The following SLC2A13 variants were observed in gnomAD, a reference collection of about 807,000 sequenced individuals.
The protein encoded by SLC2A13 is solute carrier family 2 member 13, also known as proton myo-inositol cotransporter.
SLC2A13 carries 32 observed loss-of-function variants against 64.4 expected under a neutral mutation model. The ratio of observed to expected loss-of-function variants is 0.50; its 90% CI spans 0.37 to 0.67. The LOEUF (loss-of-function observed/expected upper bound fraction) is 0.67. SLC2A13 is among the 30% of genes least tolerant of loss of function. The pLI is 0.00. For missense variants in SLC2A13, 743 were observed against 829.2 expected, an observed-to-expected ratio of 0.90 and a Z score of 1.28; for synonymous variants, 338 against 327.1, an observed-to-expected ratio of 1.03 and a Z score of -0.36.
intron 4 of SLC2A13, among the ~76,000 whole-genome samples, chr12:39,886,167 A>AT (rs1944460478): frequency 6.6e-6 from 1 of 152,152 alleles, no homozygotes; most frequent in African/African-American, 2.4e-5. Flanking sequence ...AAGATGATCA[A>AT]TTTTTTAACA....
chr12:39,792,339 CA>C (rs1222593312), intron 7 of SLC2A13, among the ~76,000 whole-genome samples: 1 of 151,028 alleles, frequency 6.6e-6, no homozygotes, highest in African/African-American at 2.4e-5. Flanking sequence ...TCCAAAACAC[CA>C]AAAGCAATGG....
chr12:40,049,294 A>G (rs1481908419), intron 1 of SLC2A13, among the ~76,000 whole-genome samples: 1 of 152,138 alleles, frequency 6.6e-6, no homozygotes, highest in Non-Finnish European at 1.5e-5. Flanking sequence ...AAGCCAGAAC[A>G]TCAATAAAAT....
intron 2 of SLC2A13, among the ~76,000 whole-genome samples, chr12:40,044,437 T>C (rs1948141977): frequency 1.3e-5 from 2 of 152,138 alleles, no homozygotes; most frequent in Non-Finnish European, 2.9e-5. Flanking sequence ...AGCCAAGTGA[T>C]TGTACAATTT....
intron 4 of SLC2A13, among the ~76,000 whole-genome samples, chr12:39,883,503 C>T (rs530135537): frequency 6.6e-6 from 1 of 152,212 alleles, no homozygotes; most frequent in East Asian, 1.9e-4. Context: ...CTCATTAAAC[C>T]AAACAGGACG....
At chr12:40,096,560 C>A (rs1161524374) in intron 1 of SLC2A13, among the ~76,000 whole-genome samples, 5 of 151,758 alleles carry the variant, frequency 3.3e-5, no homozygotes, top group Non-Finnish European at 7.4e-5. Context: ...GAAGATGAGA[C>A]CTAAATTTCA....
intron 7 of SLC2A13, among the ~76,000 whole-genome samples, chr12:39,771,866 C>A (rs1940591201): frequency 6.6e-6 from 1 of 152,076 alleles, no homozygotes; most frequent in South Asian, 2.1e-4. Flanking sequence ...TCCTTTTATG[C>A]AACTAAACTA....
At chr12:39,971,890 G>T (rs530437970) in intron 3 of SLC2A13, among the ~76,000 whole-genome samples, 1 of 149,686 alleles carries the variant, frequency 6.7e-6, no homozygotes, top group Non-Finnish European at 1.5e-5. Flanking sequence ...CAAAAGAATC[G>T]CTTGAGCCCA....
chr12:39,808,476 T>C (rs1213873546), intron 7 of SLC2A13, among the ~76,000 whole-genome samples: 3 of 152,160 alleles, frequency 2.0e-5, no homozygotes, highest in African/African-American at 7.2e-5. Context: ...ATTGAATTAC[T>C]GGGTTGTATG....
intron 1 of SLC2A13, among the ~76,000 whole-genome samples, chr12:40,071,495 C>A (rs1414816975): frequency 1.3e-5 from 2 of 152,044 alleles, no homozygotes; most frequent in Non-Finnish European, 2.9e-5. Flanking sequence ...TATTTTCTGG[C>A]TTTGGTATTA....
chr12:39,873,874 C>A (rs1944117598), intron 4 of SLC2A13, among the ~76,000 whole-genome samples: 1 of 152,154 alleles, frequency 6.6e-6, no homozygotes, highest in Non-Finnish European at 1.5e-5. Flanking sequence ...AACCTGCATT[C>A]TAATAGCACC....
intron 3 of SLC2A13, among the ~76,000 whole-genome samples, chr12:39,995,501 T>A (rs1317295969): frequency 2.0e-5 from 3 of 152,206 alleles, no homozygotes; most frequent in African/African-American, 7.2e-5. Context: ...AACATGTGCA[T>A]GTCACTTAAA....
chr12:39,896,686 C>T (rs1944927801), intron 4 of SLC2A13, among the ~76,000 whole-genome samples: 1 of 151,728 alleles, frequency 6.6e-6, no homozygotes. Context: ...TAATATCCCT[C>T]GTTATCTGCA....
chr12:39,986,442 C>T (rs1025312989), intron 3 of SLC2A13, among the ~76,000 whole-genome samples: 2 of 151,940 alleles, frequency 1.3e-5, no homozygotes, highest in Admixed American at 1.3e-4. Flanking sequence ...GTTTCTCAAA[C>T]TATGGAGGAA....
intron 7 of SLC2A13, among the ~76,000 whole-genome samples, chr12:39,772,265 C>T (rs1191997006): frequency 2.6e-5 from 4 of 152,070 alleles, no homozygotes; most frequent in Admixed American, 6.6e-5. Context: ...TAACTTTGGC[C>T]AAGTTACTTA....
At chr12:39,913,715 T>C (rs939813787) in intron 4 of SLC2A13, among the ~76,000 whole-genome samples, 41 of 151,872 alleles carry the variant, frequency 2.7e-4, no homozygotes, top group Non-Finnish European at 2.9e-5. Context: ...TAAGTATACA[T>C]ACATGTGATA....
intron 3 of SLC2A13, among the ~76,000 whole-genome samples, chr12:39,992,486 C>T: frequency 6.6e-6 from 1 of 152,028 alleles, no homozygotes; most frequent in East Asian, 1.9e-4. Flanking sequence ...CATTTTCTTT[C>T]ACTCATTTTC....
chr12:40,021,558 C>A (rs1348118382), intron 3 of SLC2A13, among the ~76,000 whole-genome samples: 1 of 152,138 alleles, frequency 6.6e-6, no homozygotes, highest in African/African-American at 2.4e-5. Context: ...CAGCCTAATA[C>A]TTTGACAATT....
intron 3 of SLC2A13, among the ~76,000 whole-genome samples, chr12:40,025,694 A>G (rs1041905333): frequency 6.6e-6 from 1 of 152,224 alleles, no homozygotes; most frequent in African/African-American, 2.4e-5. Context: ...CCCTTCAGGT[A>G]GCTGCACTCT....
chr12:39,960,691 G>A (rs1180339312), intron 3 of SLC2A13, among the ~76,000 whole-genome samples: 7 of 145,576 alleles, frequency 4.8e-5, no homozygotes, highest in Non-Finnish European at 1.1e-4. Flanking sequence ...ATATTGGCTA[G>A]TATTTTCAGT....
Sources: gnomAD v4.1 joint callset for allele counts (sites outside exome capture counted in the v4.1 genomes callset) on GRCh38, gnomAD v4.1.1 for gene constraint, MANE v1.5 for transcripts, NCBI Gene and HGNC (gene_info 2026-07-23, HGNC 2026-07-21) for gene names.